Variants in PPP1R9A observed in about 807,000 individuals in gnomAD.
PPP1R9A encodes protein phosphatase 1 regulatory subunit 9A.
A neutral mutation model predicts 141.9 loss-of-function variants in PPP1R9A; 59 were observed. The ratio of observed to expected loss-of-function variants is 0.42; its 90% CI spans 0.34 to 0.52. The LOEUF (loss-of-function observed/expected upper bound fraction) is 0.52. PPP1R9A is among the 20% of genes least tolerant of loss of function. The pLI is 0.10. For synonymous variants in PPP1R9A, 500 were observed against 569.7 expected (o/e 0.88, Z 1.74); for missense variants, 1,444 against 1,611.9 (o/e 0.90, Z 1.78).
chr7:95,196,864 T>C (rs754059536), intron 5 of PPP1R9A, among the ~76,000 whole-genome samples: 3 of 152,168 alleles, frequency 2.0e-5, no homozygotes, highest in Non-Finnish European at 4.4e-5. Flanking sequence ...ATCACAGTTA[T>C]TGAACTGTAC....
At position 95,269,076 on chromosome 7, in the gene PPP1R9A, C is replaced by T. The variant is rs1013179339; in HGVS notation, c.2824-131C>T. ...TGAATTGGTATGAACCATGCATTCT[C>T]ATCTGTAAATCAACAAAAACTGGTT... On this transcript the variant is annotated intron_variant, in intron 13 of 19. Coordinates refer to ENST00000433360, the MANE Select transcript of PPP1R9A (RefSeq NM_001166160.2). 1.7e-5 allele frequency: 14 copies of T among 826,132 alleles called. No individual in the cohort carries two copies. The Admixed American group carries it at 2.3e-4, about 13-fold the overall frequency. The allele number at this position is 826,132 out of a possible 1,614,324, so 51.2% of individuals were successfully genotyped here.
rs1054424387 is a variant in PPP1R9A at position 95,295,977 on chromosome 7, A to G, written c.*5674A>G. Reference sequence around the variant, plus strand: ...AAAACTGGGCAGCTGAAAATAAAAGAGAATAAATTCTATTCCACTGTAAGA... The same window carrying G: ...AAAACTGGGCAGCTGAAAATAAAAGGGAATAAATTCTATTCCACTGTAAGA... On this transcript the variant is annotated 3_prime_UTR_variant, in exon 20 of 20. Transcript: ENST00000433360. The G allele has an allele frequency of 6.5e-6, 1 of 152,678 alleles. No homozygotes were observed. 9.5% of individuals were successfully genotyped at this position (152,678 alleles called of 1,614,324 possible).
chr7:94,952,861 T>A (rs1487425760), intron 2 of PPP1R9A, among the ~76,000 whole-genome samples: 1 of 152,162 alleles, frequency 6.6e-6, no homozygotes, highest in Non-Finnish European at 1.5e-5. Context: ...ATATTAGCCC[T>A]TTGTCAGATG....
At chr7:95,055,700 A>T (rs577001615) in intron 2 of PPP1R9A, among the ~76,000 whole-genome samples, 1 of 152,202 alleles carries the variant, frequency 6.6e-6, no homozygotes, top group East Asian at 1.9e-4. Flanking sequence ...TTGGTTTCTT[A>T]TTAGTACACT....
In PPP1R9A at chr7:95,290,293, G is replaced by T. The variant is rs777656316; in HGVS notation, c.4115G>T (p.Gly1372Val). The T allele has an allele frequency of 6.2e-7, 1 of 1,609,730 alleles. No individual in the cohort carries two copies. The highest frequency in any genetic ancestry group is 1.7e-5 in the Admixed American group (1 of 59,544). The change falls in exon 20 of 20, where the codon GGT becomes GTT. Residue 1372 changes from glycine to valine, a missense_variant. Coordinates refer to ENST00000433360, the MANE Select transcript of PPP1R9A (RefSeq NM_001166160.2). The stretch of plus-strand genomic sequence containing the variant: ...ACGTCAACTACAGCCGAGGGTGCTG[G>T]TGAGCAGTAACACATACCCTCTTAC... Reference protein sequence around the residue: ...KMTSTTAEGAGEQ With the variant: ...KMTSTTAEGAVEQ
intron 18 of PPP1R9A, among the ~76,000 whole-genome samples, chr7:95,288,160 C>T (rs967602141): frequency 6.6e-6 from 1 of 152,158 alleles, no homozygotes; most frequent in Admixed American, 6.6e-5. Flanking sequence ...TATATTTTTA[C>T]AAAATTCCAA....
intron 2 of PPP1R9A, among the ~76,000 whole-genome samples, chr7:94,950,270 A>T (rs1291725328): frequency 1.3e-5 from 2 of 152,112 alleles, no homozygotes; most frequent in Admixed American, 6.6e-5. Flanking sequence ...GGAATAGTTG[A>T]CTAGGCCAGC....
chr7:95,008,519 A>G (rs1158308351), intron 2 of PPP1R9A, among the ~76,000 whole-genome samples: 1 of 152,130 alleles, frequency 6.6e-6, no homozygotes, highest in Admixed American at 6.5e-5. Context: ...TTTATTTCCT[A>G]CTCACATGAT....
At chr7:95,160,024 T>G (rs1830234648) in intron 4 of PPP1R9A, among the ~76,000 whole-genome samples, 1 of 151,660 alleles carries the variant, frequency 6.6e-6, no homozygotes. Context: ...ACATGAAAGT[T>G]TATTATCTGT....
chr7:95,127,270 G>A (rs1412666655), intron 4 of PPP1R9A, among the ~76,000 whole-genome samples: 1 of 151,910 alleles, frequency 6.6e-6, no homozygotes, highest in Non-Finnish European at 1.5e-5. Context: ...ACACCCTTTT[G>A]ATGAAAATGA....
intron 4 of PPP1R9A, among the ~76,000 whole-genome samples, chr7:95,128,344 A>G (rs955855279): frequency 1.8e-4 from 27 of 152,088 alleles, no homozygotes; most frequent in African/African-American, 6.5e-4. Context: ...TCTTTTGCCC[A>G]TTTTTAAATT....
intron 2 of PPP1R9A, among the ~76,000 whole-genome samples, chr7:94,963,425 T>A (rs571501722): frequency 7.2e-5 from 11 of 152,292 alleles, no homozygotes; most frequent in Admixed American, 7.2e-4. Flanking sequence ...TCAGCCACAA[T>A]CAATTTTAGA....
intron 4 of PPP1R9A, among the ~76,000 whole-genome samples, chr7:95,161,553 T>C (rs1585018110): frequency 6.6e-6 from 1 of 152,204 alleles, no homozygotes; most frequent in Non-Finnish European, 1.5e-5. Flanking sequence ...TCAAATAGTT[T>C]AAATCGTCTC....
chr7:94,997,534 AC>A (rs1220961646), intron 2 of PPP1R9A, among the ~76,000 whole-genome samples: 1 of 152,024 alleles, frequency 6.6e-6, no homozygotes, highest in Non-Finnish European at 1.5e-5. Flanking sequence ...AAGATGTAAC[AC>A]TCTGCTCAGT....
chr7:94,957,502 A>G (rs1047519364), intron 2 of PPP1R9A, among the ~76,000 whole-genome samples: 3 of 152,114 alleles, frequency 2.0e-5, no homozygotes, highest in African/African-American at 7.2e-5. Context: ...GGGAGTTATC[A>G]GGAAGCAAAA....
chr7:95,000,988 G>A (rs988429739), intron 2 of PPP1R9A, among the ~76,000 whole-genome samples: 9 of 152,160 alleles, frequency 5.9e-5, no homozygotes, highest in Non-Finnish European at 1.2e-4. Context: ...ATTATCTTGT[G>A]TAGAGCCCTG....
intron 5 of PPP1R9A, among the ~76,000 whole-genome samples, chr7:95,190,105 G>T (rs1055880875): frequency 6.6e-5 from 10 of 151,988 alleles, no homozygotes; most frequent in Non-Finnish European, 1.3e-4. Context: ...ATCTTGTTTT[G>T]CCACATTACC....
At chr7:95,086,109 G>A (rs1057429293) in intron 2 of PPP1R9A, among the ~76,000 whole-genome samples, 2 of 151,372 alleles carry the variant, frequency 1.3e-5, no homozygotes, top group African/African-American at 4.9e-5. Context: ...TTCTAAATTT[G>A]TAGGAAACCT....
intron 16 of PPP1R9A, 38 bp downstream of exon 16, chr7:95,274,206 C>G: frequency 2.1e-6 from 3 of 1,462,732 alleles, no homozygotes; most frequent in Admixed American, 2.1e-5. Flanking sequence ...TATTTCTATA[C>G]CTAAACTTTC....
Sources: allele counts gnomAD v4.1 joint callset (sites outside exome capture counted in the v4.1 genomes callset), GRCh38; gene constraint gnomAD v4.1.1; transcripts MANE v1.5; gene names NCBI Gene and HGNC (gene_info 2026-07-23, HGNC 2026-07-21).